Variants in DNAJC11 observed in about 807,000 individuals in gnomAD.
DNAJC11 encodes DnaJ heat shock protein family (Hsp40) member C11, also known as dnaJ homolog subfamily C member 11.
Under a neutral mutation model 78.6 loss-of-function variants are expected in DNAJC11, and 15 were observed. That is an observed-to-expected ratio of 0.19 (90% CI 0.13 to 0.29). The LOEUF is 0.29. Among genes scored for constraint, DNAJC11 ranks in the 10% least tolerant of loss-of-function variants. The probability of loss-of-function intolerance (pLI) is 1.00; values close to 1 mark genes in which losing one functional copy is unlikely to be tolerated. For synonymous variants in DNAJC11, 292 were observed against 272.1 expected (o/e 1.07, Z -0.72); for missense variants, 547 against 709.6 (o/e 0.77, Z 2.60).
chr1:6,683,919 C>T (rs770545871), intron 1 of DNAJC11, among the ~76,000 whole-genome samples: 6 of 152,146 alleles, frequency 3.9e-5, no homozygotes, highest in Non-Finnish European at 7.3e-5. Context: ...TTCCTCCCAA[C>T]TTTAAATGCA....
chr1:6,651,230 C>T, intron 7 of DNAJC11: 1 of 616,878 alleles, frequency 1.6e-6, no homozygotes, highest in Non-Finnish European at 3.2e-6. Flanking sequence ...GGTCCACTGA[C>T]CAACTCTCCC....
At position 6,634,962 on chromosome 1, in the gene DNAJC11, C is replaced by T. The variant is rs1291720851; in HGVS notation, c.*713G>A. The T allele has an allele frequency of 1.0e-5, 10 of 970,240 alleles. No individual in the cohort carries two copies. The highest frequency in any genetic ancestry group is 7.6e-5 in the South Asian group (4 of 52,558). 60.1% of individuals were successfully genotyped at this position (970,240 alleles called of 1,614,324 possible). On this transcript the variant is annotated 3_prime_UTR_variant, in exon 16 of 16. Transcript: ENST00000377577. ...CAGCTCAAGCCCGCTGGTGGCAGGG[C>T]GTTTTCCCACCGGGATACGGGAAGC...
At chr1:6,650,245 A>G (rs1329434439) in intron 7 of DNAJC11, among the ~76,000 whole-genome samples, 1 of 151,900 alleles carries the variant, frequency 6.6e-6, no homozygotes, top group African/African-American at 2.4e-5. Flanking sequence ...CCGGGGTGAC[A>G]AAGTGAGACC....
chr1:6,661,113 A>C (rs1284096431), intron 4 of DNAJC11, among the ~76,000 whole-genome samples: 1 of 152,258 alleles, frequency 6.6e-6, no homozygotes, highest in African/African-American at 2.4e-5. Flanking sequence ...GGTCACAATC[A>C]CGTTAACACA....
chr1:6,658,313 T>C (rs996149957), intron 4 of DNAJC11, among the ~76,000 whole-genome samples: 2 of 152,240 alleles, frequency 1.3e-5, no homozygotes, highest in Non-Finnish European at 2.9e-5. Context: ...AGGAAACGAA[T>C]GAGACAATTA....
intron 4 of DNAJC11, among the ~76,000 whole-genome samples, chr1:6,662,697 G>A (rs1341483173): frequency 1.3e-5 from 2 of 152,132 alleles, no homozygotes; most frequent in Admixed American, 6.6e-5. Flanking sequence ...ACCAATTAGT[G>A]CTCTGTGGCT....
intron 1 of DNAJC11, among the ~76,000 whole-genome samples, chr1:6,682,889 C>T (rs538057271): frequency 2.5e-4 from 38 of 152,282 alleles, no homozygotes; most frequent in African/African-American, 8.7e-4. Context: ...TGCACCACTG[C>T]ACTCCAGCCT....
intron 11 of DNAJC11, 147 bp from the exon 12 acceptor site, chr1:6,638,511 C>T (rs891620499): frequency 2.9e-5 from 19 of 648,702 alleles, no homozygotes; most frequent in Middle Eastern, 4.6e-4. Context: ...AATATTCCCA[C>T]GACAGTCTCA....
intron 1 of DNAJC11, among the ~76,000 whole-genome samples, chr1:6,694,418 C>T (rs1238814892): frequency 6.6e-6 from 1 of 152,120 alleles, no homozygotes; most frequent in Non-Finnish European, 1.5e-5. Context: ...AGCAGGGGGA[C>T]CCCTGCCCTT....
In DNAJC11 at chr1:6,644,615, C is replaced by T; in HGVS notation, c.1040G>A (p.Ser347Asn). ...YGAERKISRH[S>N]VLGAAVSVGV... The stretch of plus-strand genomic sequence containing the variant: ...AACGCTGACAGCTGCACCCAAAACG[C>T]TGTGCCTGGAGATCTTCCTCTCAGC... The change falls in exon 10 of 16, where the codon AGC becomes AAC. Residue 347 changes from serine to asparagine, a missense_variant. Transcript: ENST00000377577. 1 of 1,614,230 alleles carries T rather than the reference C, an allele frequency of 6.2e-7. No homozygotes were observed. The highest frequency in any genetic ancestry group is 8.5e-7 in the Non-Finnish European group (1 of 1,180,050).
At chr1:6,661,048 C>A (rs1466063140) in intron 4 of DNAJC11, among the ~76,000 whole-genome samples, 2 of 152,236 alleles carry the variant, frequency 1.3e-5, no homozygotes, top group African/African-American at 4.8e-5. Flanking sequence ...AGAGACTGCA[C>A]ACGTGCCAGG....
chr1:6,701,088 G>A (rs1474336231), intron 1 of DNAJC11, among the ~76,000 whole-genome samples: 1 of 152,160 alleles, frequency 6.6e-6, no homozygotes, highest in Non-Finnish European at 1.5e-5. Context: ...CACTTTTCTG[G>A]CCTAGGGCTT....
At chr1:6,642,457 T>C (rs1641892571) in intron 10 of DNAJC11, among the ~76,000 whole-genome samples, 1 of 152,052 alleles carries the variant, frequency 6.6e-6, no homozygotes, top group Non-Finnish European at 1.5e-5. Flanking sequence ...GAGATATGTA[T>C]GATTTGGAGT....
At chr1:6,685,786 C>T (rs908235463) in intron 1 of DNAJC11, among the ~76,000 whole-genome samples, 5 of 152,164 alleles carry the variant, frequency 3.3e-5, no homozygotes, top group African/African-American at 1.2e-4. Context: ...GGAGTAAAAT[C>T]TCTTTTTTCC....
chr1:6,674,404 T>A (rs573790943), intron 3 of DNAJC11, among the ~76,000 whole-genome samples: 2 of 151,832 alleles, frequency 1.3e-5, no homozygotes, highest in Non-Finnish European at 2.9e-5. Context: ...CTACCAAAAA[T>A]ACAAAAATTA....
chr1:6,649,315 G>A (rs1454462129), intron 7 of DNAJC11, among the ~76,000 whole-genome samples: 1 of 151,542 alleles, frequency 6.6e-6, no homozygotes. Flanking sequence ...GACTAAAGGC[G>A]CCCGCCACCG....
chr1:6,640,665 C>G (rs1374402477), intron 10 of DNAJC11, among the ~76,000 whole-genome samples: 1 of 151,980 alleles, frequency 6.6e-6, no homozygotes, highest in Non-Finnish European at 1.5e-5. Flanking sequence ...AACTTCATCT[C>G]TACCAAAAAT....
At chr1:6,658,159 G>T (rs1177925735) in intron 4 of DNAJC11, among the ~76,000 whole-genome samples, 1 of 152,180 alleles carries the variant, frequency 6.6e-6, no homozygotes, top group Non-Finnish European at 1.5e-5. Context: ...GACGGGATCT[G>T]GGGACTGAGG....
At chr1:6,678,489 T>C in intron 2 of DNAJC11, 22 bp from the exon 3 acceptor site, 1 of 1,602,494 alleles carries the variant, frequency 6.2e-7, no homozygotes, top group Non-Finnish European at 8.5e-7. Flanking sequence ...AAATTAAACA[T>C]GTTTATAAAA....
Sources: gnomAD v4.1 joint callset for allele counts (sites outside exome capture counted in the v4.1 genomes callset) on GRCh38, gnomAD v4.1.1 for gene constraint, MANE v1.5 for transcripts, NCBI Gene and HGNC (gene_info 2026-07-23, HGNC 2026-07-21) for gene names.